The following NIM1K variants were observed in gnomAD, a reference collection of about 807,000 sequenced individuals.
NIM1K encodes the protein NIM1 serine/threonine protein kinase.
Under a neutral mutation model 37.1 loss-of-function variants are expected in NIM1K, and 35 were observed. That is an observed-to-expected ratio of 0.94 (90% CI 0.72 to 1.25). The LOEUF (loss-of-function observed/expected upper bound fraction) is 1.25, where lower values mean the gene tolerates loss of function less well. Among genes scored for constraint, NIM1K ranks in the 50% most tolerant of loss-of-function variants. The pLI, the probability that NIM1K is intolerant of heterozygous loss-of-function variation, is 0.00. For missense variants in NIM1K, 564 were observed against 548.0 expected (o/e 1.03, Z -0.29); for synonymous variants, 234 against 206.6 (o/e 1.13, Z -1.14).
chr5:43,204,904 G>T (rs1752086410), intron 1 of NIM1K, among the ~76,000 whole-genome samples: 1 of 152,138 alleles, frequency 6.6e-6, no homozygotes, highest in Non-Finnish European at 1.5e-5. Context: ...ACTGAGGTGG[G>T]AGGATCTCTG....
rs572861207 is a variant in NIM1K, at chr5:43,196,591, C to T, written c.-695+4180C>T. ...TGGAGCTTGTAGTGAGCCGAGATCG[C>T]GCCACTGCACTCCAGCCTGGGCGAC... On this transcript the variant is annotated intron_variant, in intron 1 of 3. Coordinates refer to ENST00000326035, the MANE Select transcript of NIM1K (RefSeq NM_153361.4). Among the ~76,000 whole-genome samples the T allele has an allele frequency of 5.3e-5, 8 of 151,962 alleles. 1 individual carries two copies. The South Asian group carries it at 1.5e-3, about 28-fold the overall frequency.
At chr5:43,229,090 A>G (rs1029082749) in intron 1 of NIM1K, among the ~76,000 whole-genome samples, 1 of 152,100 alleles carries the variant, frequency 6.6e-6, no homozygotes, top group African/African-American at 2.4e-5. Context: ...GTCCTCAATA[A>G]AGACTTTTGG....
chr5:43,199,204 A>AATAT lies in NIM1K; in HGVS notation c.-695+6824_-695+6827dup, dbSNP rs1162677436. ...GCTCTGTCTCCAAAAAAAAAAAAAA[A>AATAT]ATATATATATATATATATATATATA... On this transcript the variant is annotated intron_variant, in intron 1 of 3. Coordinates refer to ENST00000326035, the MANE Select transcript of NIM1K (RefSeq NM_153361.4). 7.1e-4 allele frequency among the ~76,000 whole-genome samples: 67 copies of AATAT among 94,034 alleles called. 2 individuals are homozygous for AATAT. Among genetic ancestry groups the AATAT allele is most frequent in the African/African-American group, 2.4e-3 (63 of 25,744 alleles). 61.7% of individuals were successfully genotyped at this position (94,034 alleles called of 152,430 possible). A position where few individuals can be genotyped will look rare whatever the true frequency, so the allele number is the denominator to read the frequency against.
intron 1 of NIM1K, among the ~76,000 whole-genome samples, chr5:43,234,740 T>A (rs1341542983): frequency 6.6e-6 from 1 of 152,218 alleles, no homozygotes; most frequent in Non-Finnish European, 1.5e-5. Flanking sequence ...GTTCAAACGA[T>A]TCTCCTGCCT....
In NIM1K at chr5:43,280,493, AG is replaced by A; in HGVS notation, c.1076del (p.Ser359ThrfsTer3). 1.2e-6 allele frequency: 2 copies of A among 1,614,212 alleles called. No homozygotes were observed. Among genetic ancestry groups the A allele is most frequent in the Non-Finnish European group, 1.7e-6 (2 of 1,180,036 alleles). ...TLKEEENEVK[S>X]TLEHLGITEE... ...CAAGGAAGAAGAAAATGAGGTCAAA[AG>A]CACTTTAGAACATTTGGGCATTACA... On this transcript the variant is annotated frameshift_variant, in exon 4 of 4. Transcript: ENST00000326035. LOFTEE classifies it high-confidence loss of function.
intron 2 of NIM1K, among the ~76,000 whole-genome samples, chr5:43,273,357 C>T (rs141330826): frequency 2.3e-3 from 347 of 152,150 alleles, no homozygotes; most frequent in African/African-American, 7.8e-3. Flanking sequence ...GCGGCTGCCA[C>T]CATGCCTGGC....
At chr5:43,207,275 C>T (rs1017800821) in intron 1 of NIM1K, 19 of 759,284 alleles carry the variant, frequency 2.5e-5, no homozygotes, top group Non-Finnish European at 4.4e-5. Context: ...TGTACTCATT[C>T]TGGGAGAGAG....
At chr5:43,229,555 A>G (rs1381388685) in intron 1 of NIM1K, among the ~76,000 whole-genome samples, 1 of 152,140 alleles carries the variant, frequency 6.6e-6, no homozygotes, top group Non-Finnish European at 1.5e-5. Context: ...GATGTAGACA[A>G]GACAGATAAA....
At chr5:43,269,880 A>G (rs1052145719) in intron 2 of NIM1K, among the ~76,000 whole-genome samples, 1 of 152,094 alleles carries the variant, frequency 6.6e-6, no homozygotes, top group Non-Finnish European at 1.5e-5. Flanking sequence ...GGCCTCCCAA[A>G]GTGCTGGGAT....
At chr5:43,203,723 T>C (rs1052210888) in intron 1 of NIM1K, among the ~76,000 whole-genome samples, 1 of 152,114 alleles carries the variant, frequency 6.6e-6, no homozygotes, top group Non-Finnish European at 1.5e-5. Context: ...GTCTCAACTT[T>C]CCATAAAAAA....
Position 43,245,527 on chromosome 5 carries a change from A to G in NIM1K, c.-249A>G, listed in dbSNP as rs1312067770. On this transcript the variant is annotated 5_prime_UTR_variant, in exon 2 of 4. Transcript: ENST00000326035. ...TTGTACAGCTAGAGCCTGCAAGTTC[A>G]ACGTGAGGGAAGGTGGGAAATGTCT... is the stretch of plus-strand genomic sequence containing the variant. 7.2e-6 allele frequency: 3 copies of G among 416,112 alleles called. No homozygotes were observed. Among genetic ancestry groups the G allele is most frequent in the Non-Finnish European group, 1.3e-5 (3 of 233,982 alleles). 25.8% of individuals were successfully genotyped at this position (416,112 alleles called of 1,614,324 possible).
At chr5:43,198,567 C>A (rs896959428) in intron 1 of NIM1K, among the ~76,000 whole-genome samples, 1 of 151,970 alleles carries the variant, frequency 6.6e-6, no homozygotes, top group Non-Finnish European at 1.5e-5. Context: ...AAAAGCCAAA[C>A]CTTTCCAGCC....
At chr5:43,196,870 T>A in intron 1 of NIM1K, among the ~76,000 whole-genome samples, 1 of 150,126 alleles carries the variant, frequency 6.7e-6, no homozygotes, top group East Asian at 2.0e-4. Flanking sequence ...ATTCCTGAGT[T>A]CAAGCAATCC....
chr5:43,271,953 C>T (rs183061123), intron 2 of NIM1K, among the ~76,000 whole-genome samples: 17 of 152,294 alleles, frequency 1.1e-4, no homozygotes, highest in Non-Finnish European at 2.4e-4. Context: ...GCATTTTTCA[C>T]TCACCATACT....
chr5:43,232,330 A>T, intron 1 of NIM1K: 2 of 1,285,864 alleles, frequency 1.6e-6, no homozygotes, highest in South Asian at 1.2e-5. Flanking sequence ...GTTTCATGGT[A>T]GGCTTTCTCA....
intron 1 of NIM1K, chr5:43,231,793 C>A (rs1237432585): frequency 2.5e-6 from 3 of 1,216,464 alleles, no homozygotes; most frequent in Non-Finnish European, 3.4e-6. Context: ...AAAAGCAGCA[C>A]CTTTGTGACG....
At chr5:43,195,582 C>G (rs958097311) in intron 1 of NIM1K, among the ~76,000 whole-genome samples, 22 of 150,818 alleles carry the variant, frequency 1.5e-4, no homozygotes, top group Admixed American at 1.5e-3. Context: ...ATTGCTTGAG[C>G]CTGGGAGGTT....
At chr5:43,262,217 G>A (rs963626656) in intron 2 of NIM1K, among the ~76,000 whole-genome samples, 1 of 152,110 alleles carries the variant, frequency 6.6e-6, no homozygotes, top group Non-Finnish European at 1.5e-5. Context: ...CCATTTTCAC[G>A]ATATTGATTC....
intron 1 of NIM1K, among the ~76,000 whole-genome samples, chr5:43,214,827 A>C (rs1047955774): frequency 6.7e-6 from 1 of 149,014 alleles, no homozygotes; most frequent in Admixed American, 6.7e-5. Flanking sequence ...AAAAAAAAAA[A>C]AAAACAAAAA....
Sources: gnomAD v4.1 joint callset for allele counts (sites outside exome capture counted in the v4.1 genomes callset) on GRCh38, gnomAD v4.1.1 for gene constraint, MANE v1.5 for transcripts, NCBI Gene and HGNC (gene_info 2026-07-23, HGNC 2026-07-21) for gene names.